The following EDRF1 variants were observed in gnomAD, a reference collection of about 807,000 sequenced individuals.
The protein encoded by EDRF1 is erythroid differentiation-related factor 1.
In EDRF1, 69 loss-of-function variants were observed where a neutral mutation model predicts 148.7. The ratio of observed to expected loss-of-function variants is 0.46; its 90% confidence interval spans 0.38 to 0.57. The LOEUF is 0.57. EDRF1 is among the 20% of genes least tolerant of loss of function. The probability of loss-of-function intolerance (pLI) is 0.00; values close to 1 mark genes in which losing one functional copy is unlikely to be tolerated. For synonymous variants in EDRF1, 515 were observed against 532.8 expected, an observed-to-expected ratio of 0.97 and a Z score of 0.46; for missense variants, 1,118 against 1,478.7, an observed-to-expected ratio of 0.76 and a Z score of 4.00.
At chr10:125,731,693 C>T (rs1033761120) in intron 9 of EDRF1, among the ~76,000 whole-genome samples, 1 of 152,048 alleles carries the variant, frequency 6.6e-6, no homozygotes, top group Admixed American at 6.5e-5. Context: ...GACTTAGAGA[C>T]AAGAAAACCA....
intron 1 of EDRF1, 59 bp downstream of exon 1, chr10:125,719,974 C>CG: frequency 6.7e-7 from 1 of 1,497,594 alleles, no homozygotes; most frequent in Non-Finnish European, 9.2e-7. Flanking sequence ...CCCGCTCCAC[C>CG]GGGGAGGGAT....
Position 125,723,061 on chromosome 10 carries a change from T to C in EDRF1, c.318-7T>C. The C allele has an allele frequency of 6.2e-7, 1 of 1,613,006 alleles. No homozygotes were observed. Among genetic ancestry groups the C allele is most frequent in the Non-Finnish European group, 8.5e-7 (1 of 1,179,082 alleles). On this transcript the variant is annotated splice_polypyrimidine_tract_variant and splice_region_variant and intron_variant, in intron 2 of 24. Coordinates refer to ENST00000356792, the MANE Select transcript of EDRF1 (RefSeq NM_001202438.2). ...TCATAACCTGTGTCCTTTTTTCTCT[T>C]TGGTAGCTTTGGCATGGCATATGAC...
rs920683189 is a variant in EDRF1 at position 125,747,579 on chromosome 10, G to A, written c.2858G>A (p.Arg953Gln). 4.3e-6 allele frequency: 7 copies of A among 1,614,028 alleles called. No individual in the cohort carries two copies. The highest frequency in any genetic ancestry group is 1.7e-5 in the Admixed American group (1 of 60,008). ...AAAGCGCTAAGGTCATTGGGAACAC[G>A]AGACATACACCCAGCTGTTTGGGAT... ...YLKALRSLGTRDIHPAVWDSV... is the reference protein window; with the variant it reads ...YLKALRSLGTQDIHPAVWDSV... The change falls in exon 20 of 25, where the codon CGA (arginine) becomes CAA (glutamine). Residue 953 changes from arginine (R) to glutamine (Q), a missense_variant. Arg to Gln is a conservative substitution (Grantham distance 43). Around this residue, in one of 3 missense-constraint regions of EDRF1, gnomAD observed 954 missense variants for 1,241.4 expected, o/e 0.77. Coordinates refer to ENST00000356792, the MANE Select transcript of EDRF1 (RefSeq NM_001202438.2).
chr10:125,758,657 T>C (rs1020558897), intron 24 of EDRF1, among the ~76,000 whole-genome samples: 4 of 152,204 alleles, frequency 2.6e-5, no homozygotes, highest in Non-Finnish European at 5.9e-5. Flanking sequence ...TGATTCTTAG[T>C]GTCTTCTCTA....
intron 24 of EDRF1, among the ~76,000 whole-genome samples, chr10:125,759,876 A>T (rs367725679): frequency 2.8e-4 from 42 of 152,074 alleles, no homozygotes; most frequent in Non-Finnish European, 6.2e-4. Flanking sequence ...ACACCCGGCT[A>T]ATTTTTTGTA....
intron 19 of EDRF1, 120 bp from the exon 20 acceptor site, chr10:125,747,416 T>C (rs1490600177): frequency 8.7e-7 from 1 of 1,148,418 alleles, no homozygotes; most frequent in Non-Finnish European, 1.3e-6. Flanking sequence ...TATTGTCTCT[T>C]TATAAATTAT....
intron 13 of EDRF1, 91 bp from the exon 14 acceptor site, chr10:125,737,827 A>G: frequency 7.9e-7 from 1 of 1,270,802 alleles, no homozygotes; most frequent in Non-Finnish European, 1.1e-6. Flanking sequence ...TTTTGTTGAT[A>G]ATGCTTACAG....
At chr10:125,749,323 A>C in intron 21 of EDRF1, 89 bp from the exon 22 acceptor site, 3 of 1,460,118 alleles carry the variant, frequency 2.1e-6, no homozygotes, top group Non-Finnish European at 2.9e-6. Context: ...AGTAAGACCC[A>C]CAGTGGGGGA....
At chr10:125,740,396 AT>A in intron 15 of EDRF1, 66 bp from the exon 16 acceptor site, 1 of 1,523,666 alleles carries the variant, frequency 6.6e-7, no homozygotes, top group Non-Finnish European at 9.0e-7. Flanking sequence ...AACAGAAAAT[AT>A]TTTTTGTGCA....
At chr10:125,761,294 T>C in intron 24 of EDRF1, 1 of 332,824 alleles carries the variant, frequency 3.0e-6, no homozygotes, top group Non-Finnish European at 6.0e-6. Context: ...ATTCTAGCAG[T>C]AGCAGTTTGT....
chr10:125,732,016 C>T (rs1848500715), intron 9 of EDRF1: 4 of 323,484 alleles, frequency 1.2e-5, no homozygotes, highest in Non-Finnish European at 2.7e-5. Flanking sequence ...CCGTTATATT[C>T]CAACCCAGTG....
chr10:125,729,431 T>C lies in EDRF1; in HGVS notation c.968T>C (p.Met323Thr), dbSNP rs1367888842. 1 of 1,614,146 alleles carries C rather than the reference T, an allele frequency of 6.2e-7. No homozygotes were observed. Among genetic ancestry groups the C allele is most frequent in the Non-Finnish European group, 8.5e-7 (1 of 1,179,980 alleles). ...EDIHMLVGSN[M>T]PIFGGGRYPA... ...ATCCATATGTTGGTCGGCTCCAACA[T>C]GCCCATATTTGGAGGAGGCAGATAC... is the stretch of plus-strand genomic sequence containing the variant. The change falls in exon 8 of 25, where the codon ATG becomes ACG. Residue 323 changes from methionine (M) to threonine (T), a missense_variant. Met to Thr is a moderately conservative substitution (Grantham distance 81, BLOSUM62 -1). Coordinates refer to ENST00000356792, the MANE Select transcript of EDRF1 (RefSeq NM_001202438.2).
intron 9 of EDRF1, 117 bp from the exon 10 acceptor site, chr10:125,733,287 T>C (rs1194435198): frequency 1.0e-5 from 8 of 784,570 alleles, no homozygotes; most frequent in South Asian, 1.0e-4. Flanking sequence ...TTAAACACTT[T>C]CATGCTACAT....
intron 18 of EDRF1, among the ~76,000 whole-genome samples, chr10:125,744,491 C>T (rs1057352250): frequency 6.6e-6 from 1 of 152,188 alleles, no homozygotes; most frequent in Admixed American, 6.5e-5. Flanking sequence ...GCCTGTGTGC[C>T]TGTTGATCTG....
Position 125,740,568 on chromosome 10 carries a change from A to G in EDRF1, c.2087A>G (p.Tyr696Cys), listed in dbSNP as rs759674791. The change falls in exon 16 of 25, where the codon TAT becomes TGT. Residue 696 changes from tyrosine (Y) to cysteine (C), a missense_variant. Around this residue, in one of 3 missense-constraint regions of EDRF1, gnomAD observed 954 missense variants for 1,241.4 expected, o/e 0.77. Transcript: ENST00000356792. ...LQLILKSSKA[Y>C]YVLSDAAMSL... ...CTGATTCTCAAGTCATCAAAGGCCTATTATGTTTTGTCCGATGCTGCCATG... is the reference window on the plus strand; with the variant it reads ...CTGATTCTCAAGTCATCAAAGGCCTGTTATGTTTTGTCCGATGCTGCCATG... 6.2e-6 allele frequency: 10 copies of G among 1,614,138 alleles called. No individual in the cohort carries two copies. The highest frequency in any genetic ancestry group is 8.5e-6 in the Non-Finnish European group (10 of 1,180,018).
At chr10:125,743,594 G>A (rs2133728203) in intron 18 of EDRF1, among the ~76,000 whole-genome samples, 1 of 152,272 alleles carries the variant, frequency 6.6e-6, no homozygotes, top group South Asian at 2.1e-4. Flanking sequence ...TCTTCATGTT[G>A]GGAAGCTAGA....
intron 2 of EDRF1, among the ~76,000 whole-genome samples, chr10:125,722,008 A>G (rs1848032252): frequency 6.6e-6 from 1 of 152,240 alleles, no homozygotes; most frequent in Non-Finnish European, 1.5e-5. Context: ...AACTCAATCT[A>G]AAATATTTCC....
rs528729041 is a variant in EDRF1, at chr10:125,742,417, T to G, written c.2372-641T>G. 2.6e-4 allele frequency: 289 copies of G among 1,111,058 alleles called. 5 individuals carry two copies. The South Asian group carries it at 5.9e-3, about 23-fold the overall frequency. 68.8% of individuals were successfully genotyped at this position (1,111,058 alleles called of 1,614,324 possible). A position where few individuals can be genotyped will look rare whatever the true frequency, so the allele number is the denominator to read the frequency against. On this transcript the variant is annotated intron_variant, in intron 17 of 24. Coordinates refer to ENST00000356792, the MANE Select transcript of EDRF1 (RefSeq NM_001202438.2). Reference sequence around the variant, plus strand: ...TGTTATACTGAATATTACTTGATGTTTGCCTCCCAGAGTTTTAGACAATTC... The same window carrying G: ...TGTTATACTGAATATTACTTGATGTGTGCCTCCCAGAGTTTTAGACAATTC...
At chr10:125,742,425 C>T in intron 17 of EDRF1, 2 of 1,106,042 alleles carry the variant, frequency 1.8e-6, no homozygotes, top group Non-Finnish European at 2.2e-6. Flanking sequence ...GTTTGCCTCC[C>T]AGAGTTTTAG....
Sources: gnomAD v4.1 joint callset for allele counts (sites outside exome capture counted in the v4.1 genomes callset) on GRCh38, gnomAD v4.1.1 for gene constraint, gnomAD v4.1.1 regional missense constraint, MANE v1.5 for transcripts, NCBI Gene and HGNC (gene_info 2026-07-23, HGNC 2026-07-21) for gene names.